The following RALGPS2 variants were observed in gnomAD, a reference collection of about 807,000 sequenced individuals.
RALGPS2 encodes Ral GEF with PH domain and SH3 binding motif 2.
A neutral mutation model predicts 86.8 loss-of-function variants in RALGPS2; 43 were observed. The ratio of observed to expected loss-of-function variants is 0.50; its 90% CI spans 0.39 to 0.64. The LOEUF is 0.64. Among genes scored for constraint, RALGPS2 ranks in the 30% least tolerant of loss-of-function variants. The pLI, the probability that RALGPS2 is intolerant of heterozygous loss-of-function variation, is 0.00. For synonymous variants in RALGPS2, 243 were observed against 231.3 expected (o/e 1.05, Z -0.46); for missense variants, 536 against 694.6 (o/e 0.77, Z 2.57).
chr1:178,775,170 C>T (rs6692006), intron 1 of RALGPS2, among the ~76,000 whole-genome samples: 6,866 of 152,176 alleles, frequency 0.045, 231 homozygotes, highest in Non-Finnish European at 0.064. Context: ...TATATTATCT[C>T]ATTTCGCTTC....
intron 1 of RALGPS2, among the ~76,000 whole-genome samples, chr1:178,766,912 A>G (rs1003279825): frequency 4.6e-5 from 7 of 152,046 alleles, no homozygotes; most frequent in Non-Finnish European, 5.9e-5. Flanking sequence ...ACATAATCAC[A>G]TATTTATTGT....
At position 178,875,216 on chromosome 1, in the gene RALGPS2, C is replaced by T. The variant is rs544305547; in HGVS notation, c.608-2282C>T. The stretch of plus-strand genomic sequence containing the variant: ...AGCTCAGAAGGACCAAATGGGTGCA[C>T]TGGAGACAGGATACCCAGTAATCTT... On this transcript the variant is annotated intron_variant, in intron 8 of 19. Coordinates refer to ENST00000367635, the MANE Select transcript of RALGPS2 (RefSeq NM_152663.5). Among the ~76,000 whole-genome samples, 6 of 152,308 alleles carry T rather than the reference C, an allele frequency of 3.9e-5. 1 individual carries two copies. In the East Asian group the frequency reaches 7.7e-4, roughly 20 times the overall value.
chr1:178,853,046 A>G, intron 8 of RALGPS2: 1 of 1,485,014 alleles, frequency 6.7e-7, no homozygotes, highest in African/African-American at 1.4e-5. Flanking sequence ...TAGCATAAAG[A>G]TACTGGCCAT....
At chr1:178,775,750 TA>T (rs1653047711) in intron 1 of RALGPS2, among the ~76,000 whole-genome samples, 1 of 152,172 alleles carries the variant, frequency 6.6e-6, no homozygotes, top group South Asian at 2.1e-4. Flanking sequence ...ATATCTTCCC[TA>T]ATTAGTGTTA....
At chr1:178,818,548 C>T (rs140320831) in intron 6 of RALGPS2, among the ~76,000 whole-genome samples, 27 of 152,280 alleles carry the variant, frequency 1.8e-4, no homozygotes, top group African/African-American at 6.0e-4. Flanking sequence ...TCCCAGAGAT[C>T]TCTCTCTGCT....
At chr1:178,815,227 C>T (rs1336622176) in intron 6 of RALGPS2, among the ~76,000 whole-genome samples, 2 of 151,784 alleles carry the variant, frequency 1.3e-5, no homozygotes, top group African/African-American at 4.8e-5. Context: ...ATTACAGGCT[C>T]ACACCACCAT....
chr1:178,778,215 C>A, intron 2 of RALGPS2, among the ~76,000 whole-genome samples: 1 of 103,576 alleles, frequency 9.7e-6, no homozygotes, highest in African/African-American at 4.9e-5. Flanking sequence ...CAAACAACCC[C>A]ATCAAAAAGT....
At chr1:178,751,410 C>T (rs1234030983) in intron 1 of RALGPS2, among the ~76,000 whole-genome samples, 1 of 152,110 alleles carries the variant, frequency 6.6e-6, no homozygotes, top group African/African-American at 2.4e-5. Context: ...AATAGGGACA[C>T]CTTTTTTCAG....
intron 1 of RALGPS2, among the ~76,000 whole-genome samples, chr1:178,774,318 T>C (rs1652971686): frequency 6.6e-6 from 1 of 152,324 alleles, no homozygotes; most frequent in South Asian, 2.1e-4. Context: ...TTCATGCTTA[T>C]AGTTTACAAA....
intron 1 of RALGPS2, 174 bp downstream of exon 1, chr1:178,725,593 G>C (rs1457686615): frequency 2.0e-5 from 3 of 151,976 alleles, no homozygotes; most frequent in East Asian, 3.9e-4. Context: ...TGCGGAGCTG[G>C]GGCTGAGGCT....
chr1:178,824,819 A>G (rs1191252585), intron 7 of RALGPS2, among the ~76,000 whole-genome samples: 2 of 125,796 alleles, frequency 1.6e-5, no homozygotes, highest in Non-Finnish European at 3.4e-5. Context: ...AAAAAAAAAG[A>G]AAAAAAAAGA....
At chr1:178,802,526 A>G (rs1188160279) in intron 4 of RALGPS2, among the ~76,000 whole-genome samples, 2 of 152,202 alleles carry the variant, frequency 1.3e-5, no homozygotes, top group African/African-American at 2.4e-5. Context: ...TACTGTGATA[A>G]TACAATTTAC....
intron 1 of RALGPS2, among the ~76,000 whole-genome samples, chr1:178,772,797 C>T (rs1040782414): frequency 2.0e-5 from 3 of 152,140 alleles, no homozygotes; most frequent in African/African-American, 7.2e-5. Flanking sequence ...AATGAAGTAA[C>T]TTTGTTATTT....
At chr1:178,916,306 G>A (rs1572482397) in intron 19 of RALGPS2, 24 bp from the exon 20 acceptor site, 1 of 1,569,716 alleles carries the variant, frequency 6.4e-7, no homozygotes, top group Non-Finnish European at 8.7e-7. Flanking sequence ...TTTAAACTCA[G>A]TTTTTAATGC....
chr1:178,872,131 C>G (rs1225788194), intron 8 of RALGPS2, among the ~76,000 whole-genome samples: 1 of 152,170 alleles, frequency 6.6e-6, no homozygotes, highest in African/African-American at 2.4e-5. Flanking sequence ...CTAGATAAAA[C>G]TTTTGGGCTT....
At chr1:178,830,977 G>T (rs1364518009) in intron 7 of RALGPS2, among the ~76,000 whole-genome samples, 1 of 152,166 alleles carries the variant, frequency 6.6e-6, no homozygotes, top group East Asian at 1.9e-4. Context: ...CAGTGAAAAT[G>T]AATGAACTAT....
At chr1:178,752,574 A>G (rs1002468611) in intron 1 of RALGPS2, among the ~76,000 whole-genome samples, 1 of 152,266 alleles carries the variant, frequency 6.6e-6, no homozygotes, top group Non-Finnish European at 1.5e-5. Flanking sequence ...TAAATTAAAG[A>G]GTAAAATGTA....
intron 2 of RALGPS2, among the ~76,000 whole-genome samples, chr1:178,777,047 C>T (rs112179001): frequency 1.3e-5 from 2 of 151,146 alleles, no homozygotes; most frequent in African/African-American, 4.9e-5. Flanking sequence ...GTGCGCTGCA[C>T]CCACTAACTC....
intron 1 of RALGPS2, among the ~76,000 whole-genome samples, chr1:178,775,048 T>A (rs1653009017): frequency 6.6e-6 from 1 of 152,212 alleles, no homozygotes; most frequent in South Asian, 2.1e-4. Context: ...TTTAAGAGAC[T>A]CTGTTGAATT....
Sources: allele counts gnomAD v4.1 joint callset (sites outside exome capture counted in the v4.1 genomes callset), GRCh38; gene constraint gnomAD v4.1.1; transcripts MANE v1.5; gene names NCBI Gene and HGNC (gene_info 2026-07-23, HGNC 2026-07-21).